The following AHCYL2 variants were observed in gnomAD, a reference collection of about 807,000 sequenced individuals.
AHCYL2 encodes adenosylhomocysteinase like 2.
A neutral mutation model predicts 81.4 loss-of-function variants in AHCYL2; 28 were observed. That is an observed-to-expected ratio of 0.34 (90% confidence interval 0.25 to 0.47). The LOEUF is 0.47. Among genes scored for constraint, AHCYL2 ranks in the 20% least tolerant of loss-of-function variants. AHCYL2 has a pLI of 1.00. For synonymous variants in AHCYL2, 272 were observed against 290.2 expected (o/e 0.94, Z 0.64); for missense variants, 551 against 785.1 (o/e 0.70, Z 3.56).
At chr7:129,252,313 A>G (rs529484007) in intron 1 of AHCYL2, among the ~76,000 whole-genome samples, 2 of 152,368 alleles carry the variant, frequency 1.3e-5, no homozygotes, top group East Asian at 1.9e-4. Context: ...TGTTAACAAC[A>G]GGAACAGTGA....
intron 1 of AHCYL2, among the ~76,000 whole-genome samples, chr7:129,350,255 C>T (rs557474043): frequency 6.6e-6 from 1 of 152,118 alleles, no homozygotes; most frequent in Non-Finnish European, 1.5e-5. Context: ...CCTGTCCATA[C>T]TTGTTTCCTC....
intron 4 of AHCYL2, among the ~76,000 whole-genome samples, chr7:129,394,031 G>T (rs1043780249): frequency 9.9e-5 from 15 of 152,046 alleles, no homozygotes; most frequent in African/African-American, 3.6e-4. Context: ...GTTGAGTAGG[G>T]TCTCACTGTG....
At chr7:129,342,868 ATG>A (rs1280712683) in intron 1 of AHCYL2, among the ~76,000 whole-genome samples, 2 of 152,350 alleles carry the variant, frequency 1.3e-5, no homozygotes, top group Non-Finnish European at 2.9e-5. Flanking sequence ...ATTACACGTT[ATG>A]TGTTACAAGT....
intron 1 of AHCYL2, among the ~76,000 whole-genome samples, chr7:129,356,910 C>T (rs1007543488): frequency 2.0e-5 from 3 of 152,136 alleles, no homozygotes; most frequent in Non-Finnish European, 2.9e-5. Context: ...TAGGTCTTGG[C>T]TTCTTTATCC....
At chr7:129,413,809 CAT>C in intron 12 of AHCYL2, 121 bp downstream of exon 12, 1 of 767,114 alleles carries the variant, frequency 1.3e-6, no homozygotes, top group Non-Finnish European at 2.2e-6. Flanking sequence ...GAGTTGTCCA[CAT>C]CTTTTCACTT....
chr7:129,291,795 C>T (rs975816847), intron 1 of AHCYL2, among the ~76,000 whole-genome samples: 5 of 151,564 alleles, frequency 3.3e-5, no homozygotes, highest in African/African-American at 9.7e-5. Flanking sequence ...TTAGTAGAGA[C>T]GGGGTTTCAC....
chr7:129,399,442 G>C (rs1193872574), intron 5 of AHCYL2, among the ~76,000 whole-genome samples: 1 of 148,878 alleles, frequency 6.7e-6, no homozygotes, highest in Non-Finnish European at 1.5e-5. Flanking sequence ...GCAAGACTCC[G>C]TCTCAAAAAA....
At chr7:129,370,205 A>G (rs1161753496) in intron 1 of AHCYL2, among the ~76,000 whole-genome samples, 1 of 152,140 alleles carries the variant, frequency 6.6e-6, no homozygotes, top group Admixed American at 6.6e-5. Context: ...ATCCCCTCAA[A>G]GTTCAGTAGT....
At chr7:129,357,933 C>CA (rs1231126390) in intron 1 of AHCYL2, among the ~76,000 whole-genome samples, 1,465 of 83,190 alleles carry the variant, frequency 0.018, 14 homozygotes, top group Middle Eastern at 0.088. Context: ...GACTCCATCT[C>CA]AAAAAAAAAA....
chr7:129,377,941 T>G (rs1248700258), intron 1 of AHCYL2, among the ~76,000 whole-genome samples: 1 of 152,212 alleles, frequency 6.6e-6, no homozygotes, highest in Non-Finnish European at 1.5e-5. Context: ...AATCTGCTCC[T>G]TCTACATCTA....
intron 1 of AHCYL2, among the ~76,000 whole-genome samples, chr7:129,289,239 G>A (rs772199241): frequency 2.0e-5 from 3 of 152,120 alleles, no homozygotes; most frequent in Non-Finnish European, 4.4e-5. Flanking sequence ...ACAGGTGTGT[G>A]CCACAATGCC....
At chr7:129,394,232 A>G (rs1479079336) in intron 4 of AHCYL2, among the ~76,000 whole-genome samples, 4 of 151,958 alleles carry the variant, frequency 2.6e-5, no homozygotes, top group East Asian at 1.9e-4. Context: ...GCTGGTCTCA[A>G]ACTCCTGGCC....
chr7:129,400,403 A>G lies in AHCYL2; in HGVS notation c.918+19A>G, dbSNP rs752880786. The G allele has an allele frequency of 5.0e-6, 8 of 1,610,724 alleles. No homozygotes were observed. The highest frequency in any genetic ancestry group is 3.3e-4 in the Middle Eastern group (2 of 6,052). On this transcript the variant is annotated intron_variant, in intron 6 of 16. Transcript: ENST00000325006. The stretch of plus-strand genomic sequence containing the variant: ...AAACATGGTGGGTCAGATTTCTGCT[A>G]ACACAATTCTGTAGGGGTCAGGAAT...
intron 1 of AHCYL2, among the ~76,000 whole-genome samples, chr7:129,268,813 G>A (rs549837776): frequency 6.6e-6 from 1 of 152,294 alleles, no homozygotes; most frequent in African/African-American, 2.4e-5. Flanking sequence ...CTTTTTAAAA[G>A]TAACTTTATT....
At chr7:129,289,352 C>G (rs138003890) in intron 1 of AHCYL2, among the ~76,000 whole-genome samples, 1 of 152,176 alleles carries the variant, frequency 6.6e-6, no homozygotes, top group Non-Finnish European at 1.5e-5. Context: ...TTGGCCTCTC[C>G]GAGTGTTGAG....
Position 129,368,305 on chromosome 7 carries a change from G to A in AHCYL2, c.364-11333G>A. The A allele has an allele frequency of 7.0e-7, 1 of 1,434,168 alleles. No homozygotes were observed. The highest frequency in any genetic ancestry group is 1.5e-5 in the South Asian group (1 of 65,042). 88.8% of individuals were successfully genotyped at this position (1,434,168 alleles called of 1,614,324 possible). On this transcript the variant is annotated intron_variant, in intron 1 of 16. Coordinates refer to ENST00000325006, the MANE Select transcript of AHCYL2 (RefSeq NM_015328.4). The surrounding 1 kb of genome is among the most constrained non-coding windows in gnomAD (Gnocchi z 4.4). ...CTTTGAAGCCGGCCAGTAAGGGGTT[G>A]TCAGGCAGTTGACTAATGCTCTTGA...
At chr7:129,319,615 G>C (rs1250840075) in intron 1 of AHCYL2, among the ~76,000 whole-genome samples, 2 of 152,132 alleles carry the variant, frequency 1.3e-5, no homozygotes, top group Non-Finnish European at 1.5e-5. Context: ...ACGCATGTTG[G>C]CAATTACTTA....
At chr7:129,272,797 G>A (rs1796065789) in intron 1 of AHCYL2, among the ~76,000 whole-genome samples, 1 of 152,124 alleles carries the variant, frequency 6.6e-6, no homozygotes, top group African/African-American at 2.4e-5. Flanking sequence ...GAACTACTAA[G>A]TTTTAAAACA....
intron 1 of AHCYL2, among the ~76,000 whole-genome samples, chr7:129,342,660 T>G (rs1270766433): frequency 6.6e-6 from 1 of 152,174 alleles, no homozygotes; most frequent in Non-Finnish European, 1.5e-5. Flanking sequence ...AGTTCATGTA[T>G]AAGCATATAA....
Sources: allele counts gnomAD v4.1 joint callset (sites outside exome capture counted in the v4.1 genomes callset), GRCh38; gene constraint gnomAD v4.1.1; non-coding constraint Gnocchi (gnomAD v3.1); transcripts MANE v1.5; gene names NCBI Gene and HGNC (gene_info 2026-07-23, HGNC 2026-07-21).